Variants in NOL4 observed in about 807,000 individuals in gnomAD.
NOL4 encodes cancer/testis antigen 125.
Under a neutral mutation model 75.9 loss-of-function variants are expected in NOL4, and 17 were observed. The ratio of observed to expected loss-of-function variants is 0.22; its 90% CI spans 0.15 to 0.34. NOL4 has a LOEUF of 0.34. Among genes scored for constraint, NOL4 ranks in the 10% least tolerant of loss-of-function variants. The probability of loss-of-function intolerance (pLI) is 1.00; values close to 1 mark genes in which losing one functional copy is unlikely to be tolerated. For missense variants in NOL4, 614 were observed against 793.5 expected (o/e 0.77, Z 2.72); for synonymous variants, 292 against 289.9 (o/e 1.01, Z -0.07).
chr18:33,951,623 T>A (rs1411162073), intron 8 of NOL4, among the ~76,000 whole-genome samples: 1 of 152,118 alleles, frequency 6.6e-6, no homozygotes, highest in Non-Finnish European at 1.5e-5. Flanking sequence ...CTCTTATCCA[T>A]CTTCATTTCT....
chr18:33,995,439 C>G (rs1328220087), intron 6 of NOL4, among the ~76,000 whole-genome samples: 1 of 151,554 alleles, frequency 6.6e-6, no homozygotes, highest in Non-Finnish European at 1.5e-5. Flanking sequence ...TTATTCAGGA[C>G]TATATTGAAT....
chr18:34,168,515 A>G (rs1022769155), intron 1 of NOL4, among the ~76,000 whole-genome samples: 1 of 151,522 alleles, frequency 6.6e-6, no homozygotes, highest in African/African-American at 2.4e-5. Context: ...AACGAAAAAA[A>G]CTAGTAAATT....
Position 34,086,717 on chromosome 18 carries a change from G to C in NOL4, c.772+6748C>G, listed in dbSNP as rs369900440. ...TAAAATTTTATTCACATATAAACTG[G>C]GCAGTAAAAACAGCATTTCAAAGGA... On this transcript the variant is annotated intron_variant, in intron 5 of 10. Transcript: ENST00000261592. Among the ~76,000 whole-genome samples the C allele has an allele frequency of 7.8e-4, 118 of 151,986 alleles. 1 individual carries two copies. The highest frequency in any genetic ancestry group is 2.7e-3 in the African/African-American group (112 of 41,474).
intron 7 of NOL4, 125 bp downstream of exon 7, chr18:33,958,114 T>C: frequency 1.1e-6 from 1 of 937,870 alleles, no homozygotes; most frequent in Non-Finnish European, 1.6e-6. Flanking sequence ...GTGTTTCATG[T>C]ACTTTTTAAA....
intron 10 of NOL4, among the ~76,000 whole-genome samples, chr18:33,857,618 C>T (rs1389257550): frequency 6.6e-6 from 1 of 151,894 alleles, no homozygotes; most frequent in Admixed American, 6.6e-5. Context: ...AAAACTTTAC[C>T]AGGAAGCCAT....
intron 1 of NOL4, among the ~76,000 whole-genome samples, chr18:34,138,823 T>C (rs898191551): frequency 6.6e-6 from 1 of 152,186 alleles, no homozygotes; most frequent in African/African-American, 2.4e-5. Context: ...TTGTCATAAA[T>C]AGCTCTTATT....
At chr18:34,181,924 G>A (rs1212312271) in intron 1 of NOL4, among the ~76,000 whole-genome samples, 4 of 151,620 alleles carry the variant, frequency 2.6e-5, no homozygotes, top group Admixed American at 6.6e-5. Flanking sequence ...AGCATGTTAG[G>A]ATGTGGAGAA....
At chr18:33,943,518 A>G (rs1343897792) in intron 8 of NOL4, among the ~76,000 whole-genome samples, 1 of 151,862 alleles carries the variant, frequency 6.6e-6, no homozygotes, top group African/African-American at 2.4e-5. Context: ...TAATTCTACT[A>G]CAACATATGA....
intron 10 of NOL4, among the ~76,000 whole-genome samples, chr18:33,862,275 T>C: frequency 6.6e-6 from 1 of 152,048 alleles, no homozygotes; most frequent in East Asian, 1.9e-4. Context: ...TAATTCAAGA[T>C]GGATTAAAGA....
At chr18:33,876,011 T>G (rs1567990223) in intron 10 of NOL4, among the ~76,000 whole-genome samples, 1 of 152,060 alleles carries the variant, frequency 6.6e-6, no homozygotes, top group Non-Finnish European at 1.5e-5. Context: ...TCCTAAAGGA[T>G]TTTGACATAT....
chr18:34,210,104 T>C (rs773937248), intron 1 of NOL4, among the ~76,000 whole-genome samples: 2 of 152,204 alleles, frequency 1.3e-5, no homozygotes, highest in Non-Finnish European at 2.9e-5. Flanking sequence ...AAACATCATA[T>C]ATTTCTTAAT....
At chr18:33,998,784 G>A (rs1279146526) in intron 6 of NOL4, among the ~76,000 whole-genome samples, 1 of 152,068 alleles carries the variant, frequency 6.6e-6, no homozygotes, top group African/African-American at 2.4e-5. Context: ...CAGGAGATGT[G>A]CTACAGAGGA....
At chr18:34,158,717 C>T (rs2030900336) in intron 1 of NOL4, 1 of 152,146 alleles carries the variant, frequency 6.6e-6, no homozygotes, top group South Asian at 2.1e-4. Context: ...ACTAGGGATT[C>T]TACATATCTG....
chr18:34,008,860 T>A (rs1429705525), intron 6 of NOL4, among the ~76,000 whole-genome samples: 1 of 151,918 alleles, frequency 6.6e-6, no homozygotes, highest in Non-Finnish European at 1.5e-5. Flanking sequence ...CAAATGGCAA[T>A]GAGAAGAAAT....
At chr18:34,095,251 A>ATGTG (rs60017439) in intron 4 of NOL4, among the ~76,000 whole-genome samples, 3,077 of 144,464 alleles carry the variant, frequency 0.021, 64 homozygotes, top group African/African-American at 0.046. Context: ...TCTAATGTGT[A>ATGTG]TGTGTGTGTG....
chr18:33,871,637 G>A (rs997318000), intron 10 of NOL4, among the ~76,000 whole-genome samples: 8 of 152,010 alleles, frequency 5.3e-5, no homozygotes, highest in Non-Finnish European at 1.2e-4. Context: ...GACTCAAGAA[G>A]GAAGGTCCCA....
At chr18:34,073,944 TA>T (rs982896144) in intron 5 of NOL4, among the ~76,000 whole-genome samples, 120 of 151,928 alleles carry the variant, frequency 7.9e-4, no homozygotes, top group African/African-American at 2.7e-3. Flanking sequence ...ATTGGGAGGA[TA>T]GGGGAGAAAG....
intron 5 of NOL4, among the ~76,000 whole-genome samples, chr18:34,082,482 A>T (rs189798633): frequency 1.3e-5 from 2 of 152,338 alleles, no homozygotes; most frequent in East Asian, 3.9e-4. Flanking sequence ...TCTCGTCATC[A>T]TCTGTCCTTT....
intron 9 of NOL4, among the ~76,000 whole-genome samples, chr18:33,929,981 T>C (rs562230161): frequency 7.3e-4 from 111 of 152,246 alleles, no homozygotes; most frequent in African/African-American, 2.5e-3. Flanking sequence ...ACTGAAAGAA[T>C]ACAAGTTAGT....
Sources: gnomAD v4.1 joint callset for allele counts (sites outside exome capture counted in the v4.1 genomes callset) on GRCh38, gnomAD v4.1.1 for gene constraint, MANE v1.5 for transcripts, NCBI Gene and HGNC (gene_info 2026-07-23, HGNC 2026-07-21) for gene names.